TCF3: variants seen among roughly 807,000 people sequenced by gnomAD.
The protein encoded by TCF3 is transcription factor 3, also known as transcription factor E2-alpha.
TCF3 carries 54 observed loss-of-function variants against 72.3 expected under a neutral mutation model. The observed-to-expected ratio is 0.75, with a 90% CI of 0.60 to 0.94. The LOEUF (loss-of-function observed/expected upper bound fraction) is 0.94, where lower values mean the gene tolerates loss of function less well. TCF3 is among the 40% of genes least tolerant of loss of function. The probability of loss-of-function intolerance (pLI) is 0.00; values close to 1 mark genes in which losing one functional copy is unlikely to be tolerated. For synonymous variants in TCF3, 525 were observed against 412.6 expected (o/e 1.27, Z -3.30); for missense variants, 1,078 against 934.4 (o/e 1.15, Z -2.00).
chr19:1,615,263 G>A lies in TCF3; in HGVS notation c.1822+22C>T. 1 of 1,559,080 alleles carries A rather than the reference G, an allele frequency of 6.4e-7. No individual in the cohort carries two copies. The highest frequency in any genetic ancestry group is 1.2e-5 in the South Asian group (1 of 83,716). On this transcript the variant is annotated intron_variant, in intron 18 of 18. Transcript: ENST00000262965. This position sits in a 1 kb window ranked among gnomAD's most constrained non-coding sequence, Gnocchi z 7.3. ...GGGAGGGTGGCGCTGCAGGGACGCT[G>A]GTGGCCCGCGCCCCCACTGACCTCG...
chr19:1,634,491 G>C (rs2064134818), intron 3 of TCF3, among the ~76,000 whole-genome samples: 1 of 152,212 alleles, frequency 6.6e-6, no homozygotes, highest in Non-Finnish European at 1.5e-5. Context: ...TTGGGCTTCA[G>C]TTCCAATTCC....
At chr19:1,652,046 G>A (rs934655243) in intron 1 of TCF3, among the ~76,000 whole-genome samples, 1 of 150,718 alleles carries the variant, frequency 6.6e-6, no homozygotes, top group African/African-American at 2.4e-5. Flanking sequence ...GCTGCTTAAA[G>A]TTTCCCGAAG....
chr19:1,623,899 CTGG>C, intron 8 of TCF3, 49 bp downstream of exon 8: 4 of 1,590,866 alleles, frequency 2.5e-6, no homozygotes, highest in African/African-American at 1.3e-5. Flanking sequence ...GACACAGGGC[CTGG>C]CACTGCCACT....
chr19:1,642,631 G>T (rs899978285), intron 3 of TCF3, among the ~76,000 whole-genome samples: 1 of 152,156 alleles, frequency 6.6e-6, no homozygotes, highest in Admixed American at 6.5e-5. Context: ...GAAAGGACAC[G>T]ATCTTTGTCA....
chr19:1,650,422 C>T (rs1388348034), intron 1 of TCF3, 135 bp from the exon 2 acceptor site: 8 of 636,462 alleles, frequency 1.3e-5, no homozygotes, highest in Admixed American at 3.0e-5. Context: ...TCCAGCAGAG[C>T]CCTGGGGGCA....
chr19:1,621,588 T>TC, intron 11 of TCF3, among the ~76,000 whole-genome samples: 1 of 151,386 alleles, frequency 6.6e-6, no homozygotes, highest in East Asian at 2.0e-4. Flanking sequence ...GGTGGGTGAG[T>TC]CCCTCTCTGA....
At position 1,610,901 on chromosome 19, in the gene TCF3, TTCTG is replaced by T. The variant is rs1343284989; in HGVS notation, c.*802_*805del. 1.4e-5 allele frequency: 2 copies of T among 142,906 alleles called. No individual in the cohort carries two copies. The highest frequency in any genetic ancestry group is 2.7e-5 in the African/African-American group (1 of 36,958). The allele number at this position is 142,906 out of a possible 1,614,324, so 8.9% of individuals were successfully genotyped here. On this transcript the variant is annotated 3_prime_UTR_variant, in exon 19 of 19. Coordinates refer to ENST00000262965, the MANE Select transcript of TCF3 (RefSeq NM_003200.5). ...ACAAAAGACCCGCCGCCTGTCCCCG[TTCTG>T]TCTGTGTGCAGTGGCTTCCGGGGGG...
Position 1,627,796 on chromosome 19 carries a change from G to C in TCF3, c.299-370C>G, listed in dbSNP as rs1208958264. Among the ~76,000 whole-genome samples, 3 of 140,586 alleles carry C rather than the reference G, an allele frequency of 2.1e-5. No homozygotes were observed. In the East Asian group the frequency reaches 6.3e-4, roughly 30 times the overall value. 92.2% of individuals were successfully genotyped at this position (140,586 alleles called of 152,430 possible). On this transcript the variant is annotated intron_variant, in intron 5 of 18. Coordinates refer to ENST00000262965, the MANE Select transcript of TCF3 (RefSeq NM_003200.5). ...CACGGGGTGAGGTGGGAAGGGGACA[G>C]CAGAGCTCACAGGGGGTGAGGCGGG...
chr19:1,632,168 C>G (rs1008317277), intron 4 of TCF3, 52 bp from the exon 5 acceptor site: 1 of 1,586,798 alleles, frequency 6.3e-7, no homozygotes, highest in African/African-American at 1.3e-5. Flanking sequence ...CAGGCCCCCC[C>G]TCCACCCCGC....
intron 13 of TCF3, among the ~76,000 whole-genome samples, chr19:1,620,580 C>T (rs773651600): frequency 1.3e-5 from 2 of 152,332 alleles, no homozygotes; most frequent in African/African-American, 2.4e-5. Flanking sequence ...CTCATGTTCA[C>T]GCAGTGTGAA....
At chr19:1,645,109 G>T (rs906877411) in intron 3 of TCF3, among the ~76,000 whole-genome samples, 4 of 152,010 alleles carry the variant, frequency 2.6e-5, no homozygotes, top group African/African-American at 9.7e-5. Context: ...CTCCATGTGG[G>T]GGTGCAAGTG....
intron 7 of TCF3, among the ~76,000 whole-genome samples, chr19:1,625,218 G>A (rs538243420): frequency 1.4e-4 from 22 of 152,352 alleles, no homozygotes; most frequent in Middle Eastern, 3.4e-3. Flanking sequence ...AGGCTGTGAC[G>A]TGCCTCGCGG....
chr19:1,624,288 C>T (rs2062615341), intron 7 of TCF3, among the ~76,000 whole-genome samples: 1 of 152,038 alleles, frequency 6.6e-6, no homozygotes, highest in East Asian at 1.9e-4. Context: ...TCCAGCTACT[C>T]GGGAGGCCGA....
rs1439940172 is a variant in TCF3, at chr19:1,632,056, G to A, written c.280C>T (p.Leu94=). 6 of 1,613,512 alleles carry A rather than the reference G, an allele frequency of 3.7e-6. No homozygotes were observed. Among genetic ancestry groups the A allele is most frequent in the Non-Finnish European group, 5.1e-6 (6 of 1,179,820 alleles). Residue 94 remains leucine, a synonymous_variant, in exon 5 of 19, where the codon CTG becomes TTG. Coordinates refer to ENST00000262965, the MANE Select transcript of TCF3 (RefSeq NM_003200.5). Reference sequence around the variant, plus strand: ...CACTCACCTCCGAGTCCCGGTCCCAGGAATGTGGATGAAGAGAGGCTGCTG... The same window carrying A: ...CACTCACCTCCGAGTCCCGGTCCCAAGAATGTGGATGAAGAGAGGCTGCTG... ...SHSSLSSSTF[L]GPGLGGKSGE...
At chr19:1,618,493 C>T (rs1370802702) in intron 16 of TCF3, among the ~76,000 whole-genome samples, 1 of 151,954 alleles carries the variant, frequency 6.6e-6, no homozygotes, top group Non-Finnish European at 1.5e-5. Flanking sequence ...CCCGCATGAC[C>T]TGCCCTGCCC....
rs750143915 is a variant in TCF3 at position 1,619,849 on chromosome 19, C to A, written c.1098G>T (p.Thr366=). 1.3e-6 allele frequency: 2 copies of A among 1,577,254 alleles called. No individual in the cohort carries two copies. Among genetic ancestry groups the A allele is most frequent in the South Asian group, 1.2e-5 (1 of 85,718 alleles). Residue 366 remains threonine, a synonymous_variant, in exon 14 of 19, where the codon ACG becomes ACT. Transcript: ENST00000262965. ...GGGCTCCTGCTCGAGGCCACTGTGA[C>A]GTTCCTGGAAGGGAGTGGGGACGTG... ...PVGSPQGLAG[T]SQWPRAGAPG... is the part of the protein sequence containing the mutation.
intron 2 of TCF3, among the ~76,000 whole-genome samples, chr19:1,646,995 G>C (rs78132125): frequency 6.6e-6 from 1 of 152,164 alleles, no homozygotes; most frequent in Non-Finnish European, 1.5e-5. Flanking sequence ...GGCTGGGTAT[G>C]GGTTTGCTTG....
At position 1,638,655 on chromosome 19, in the gene TCF3, TGA is replaced by T. The variant is rs199758742; in HGVS notation, c.146-6252_146-6251del. On this transcript the variant is annotated intron_variant, in intron 3 of 18. Coordinates refer to ENST00000262965, the MANE Select transcript of TCF3 (RefSeq NM_003200.5). ...GCAGATGCGATTTCACTTCGGACGTTGAGAGCGCGAGAAACGGCGTGTTTAAA... is the reference window on the plus strand; with the variant it reads ...GCAGATGCGATTTCACTTCGGACGTTGAGCGCGAGAAACGGCGTGTTTAAA... 6.2e-3 allele frequency among the ~76,000 whole-genome samples: 941 copies of T among 152,296 alleles called. 17 individuals are homozygous for T. Among genetic ancestry groups the T allele is most frequent in the African/African-American group, 0.021 (888 of 41,546 alleles).
At chr19:1,643,840 A>G (rs2065677851) in intron 3 of TCF3, among the ~76,000 whole-genome samples, 1 of 152,252 alleles carries the variant, frequency 6.6e-6, no homozygotes, top group Admixed American at 6.5e-5. Context: ...TTTCAAATGA[A>G]CTTAAGAAAA....
Sources: allele counts gnomAD v4.1 joint callset (sites outside exome capture counted in the v4.1 genomes callset), GRCh38; gene constraint gnomAD v4.1.1; non-coding constraint Gnocchi (gnomAD v3.1); transcripts MANE v1.5; gene names NCBI Gene and HGNC (gene_info 2026-07-23, HGNC 2026-07-21).